Variants in ELAVL2 observed in about 807,000 individuals in gnomAD.
The protein encoded by ELAVL2 is ELAV-like protein 2.
A neutral mutation model predicts 34.6 loss-of-function variants in ELAVL2; 4 were observed. That is an observed-to-expected ratio of 0.12 (90% confidence interval 0.06 to 0.26). The LOEUF is 0.26. Among genes scored for constraint, ELAVL2 ranks in the 10% least tolerant of loss-of-function variants. The pLI is 1.00. For synonymous variants in ELAVL2, 193 were observed against 154.8 expected, an observed-to-expected ratio of 1.25 and a Z score of -1.83; for missense variants, 432 against 442.8, an observed-to-expected ratio of 0.98 and a Z score of 0.22.
intron 5 of ELAVL2, among the ~76,000 whole-genome samples, chr9:23,696,711 C>G (rs2035380982): frequency 6.6e-6 from 1 of 152,026 alleles, no homozygotes; most frequent in African/African-American, 2.4e-5. Context: ...ACCTCGTGAT[C>G]CACCCGCCTT....
intron 3 of ELAVL2, among the ~76,000 whole-genome samples, chr9:23,715,338 CG>C (rs1410278721): frequency 6.6e-6 from 1 of 152,024 alleles, no homozygotes; most frequent in Admixed American, 6.6e-5. Flanking sequence ...TTTGTAGAGA[CG>C]GGGTTTCACA....
chr9:23,821,259 C>G (rs2064642751), intron 1 of ELAVL2: 1 of 152,416 alleles, frequency 6.6e-6, no homozygotes, highest in Non-Finnish European at 1.5e-5. Context: ...TTGCGCTACA[C>G]GCGGCCGCAC....
chr9:23,747,896 C>G (rs1390110394), intron 2 of ELAVL2, among the ~76,000 whole-genome samples: 1 of 151,780 alleles, frequency 6.6e-6, no homozygotes, highest in Non-Finnish European at 1.5e-5. Context: ...GGCAGGAGGC[C>G]AAGATATAAG....
At chr9:23,776,283 AT>A (rs1376525772) in intron 1 of ELAVL2, among the ~76,000 whole-genome samples, 2 of 152,214 alleles carry the variant, frequency 1.3e-5, no homozygotes, top group Non-Finnish European at 2.9e-5. Context: ...TGGAATCAGC[AT>A]TTTTTAATTC....
At chr9:23,707,662 C>T (rs932882970) in intron 3 of ELAVL2, among the ~76,000 whole-genome samples, 1 of 152,316 alleles carries the variant, frequency 6.6e-6, no homozygotes, top group South Asian at 2.1e-4. Flanking sequence ...TAATTCATAA[C>T]CAGTTCTGTG....
intron 2 of ELAVL2, among the ~76,000 whole-genome samples, chr9:23,756,508 A>T (rs2053589304): frequency 6.6e-6 from 1 of 152,148 alleles, no homozygotes. Flanking sequence ...AAGGAAAAAT[A>T]ACAGTGAAAG....
intron 1 of ELAVL2, among the ~76,000 whole-genome samples, chr9:23,813,653 A>T (rs1272218590): frequency 6.6e-6 from 1 of 152,034 alleles, no homozygotes; most frequent in East Asian, 1.9e-4. Context: ...CCAGGGGGGG[A>T]GGAGAGAAAA....
intron 1 of ELAVL2, among the ~76,000 whole-genome samples, chr9:23,811,161 A>G (rs951964447): frequency 3.3e-5 from 5 of 152,158 alleles, no homozygotes; most frequent in African/African-American, 4.8e-5. Flanking sequence ...ACCATCCACA[A>G]AACAATGTTT....
intron 1 of ELAVL2, among the ~76,000 whole-genome samples, chr9:23,791,505 T>C (rs2060315875): frequency 6.6e-6 from 1 of 152,152 alleles, no homozygotes; most frequent in Admixed American, 6.5e-5. Flanking sequence ...AAACGGTACT[T>C]CAAGTAACTA....
At chr9:23,753,713 T>G (rs2052751322) in intron 2 of ELAVL2, among the ~76,000 whole-genome samples, 1 of 152,114 alleles carries the variant, frequency 6.6e-6, no homozygotes, top group Non-Finnish European at 1.5e-5. Flanking sequence ...GACAAGCGCT[T>G]AAATTGAGAA....
Position 23,701,468 on chromosome 9 carries a change from T to A in ELAVL2, c.624A>T (p.Gln208His). 6.2e-7 allele frequency: 1 copy of A among 1,614,140 alleles called. No homozygotes were observed. Among genetic ancestry groups the A allele is most frequent in the Non-Finnish European group, 8.5e-7 (1 of 1,180,016 alleles). ...GGGAAAGGATGGCCTGATTGGTTTT[T>A]TGGCTTGGGTTATTAGCAAACTTTA... ...ITVKFANNPS[Q>H]KTNQAILSQL... Residue 208 changes from glutamine to histidine, a missense_variant, in exon 5 of 7, where the codon CAA becomes CAT. Transcript: ENST00000397312.
chr9:23,798,628 T>A (rs2061242152), intron 1 of ELAVL2, among the ~76,000 whole-genome samples: 2 of 152,132 alleles, frequency 1.3e-5, no homozygotes, highest in Non-Finnish European at 2.9e-5. Flanking sequence ...TCATATAAAG[T>A]ATCAGAATAT....
At chr9:23,768,973 T>C (rs1431304) in intron 1 of ELAVL2, among the ~76,000 whole-genome samples, 1 of 152,002 alleles carries the variant, frequency 6.6e-6, no homozygotes, top group Non-Finnish European at 1.5e-5. Context: ...AAAGACAAGC[T>C]TATCTCTCAG....
At chr9:23,727,726 A>C (rs776009751) in intron 3 of ELAVL2, among the ~76,000 whole-genome samples, 5 of 152,028 alleles carry the variant, frequency 3.3e-5, no homozygotes, top group African/African-American at 1.2e-4. Context: ...TTTGGGAACA[A>C]ATGCTTTAGG....
At chr9:23,759,688 T>C (rs901993043) in intron 2 of ELAVL2, among the ~76,000 whole-genome samples, 6 of 147,492 alleles carry the variant, frequency 4.1e-5, no homozygotes, top group East Asian at 2.0e-4. Flanking sequence ...GTGTTAACTA[T>C]ATACAAATAT....
At chr9:23,765,816 C>T (rs1219305376) in intron 1 of ELAVL2, among the ~76,000 whole-genome samples, 24 of 152,090 alleles carry the variant, frequency 1.6e-4, no homozygotes, top group South Asian at 2.1e-4. Flanking sequence ...TGTCCCTGAA[C>T]GAAATCAAGT....
chr9:23,775,640 C>G (rs566299617), intron 1 of ELAVL2, among the ~76,000 whole-genome samples: 17 of 152,168 alleles, frequency 1.1e-4, no homozygotes, highest in Non-Finnish European at 2.2e-4. Context: ...GCTCACTCCA[C>G]GTTGCCTATG....
chr9:23,799,849 T>G (rs753558135), intron 1 of ELAVL2, among the ~76,000 whole-genome samples: 4 of 152,194 alleles, frequency 2.6e-5, no homozygotes, highest in Non-Finnish European at 4.4e-5. Flanking sequence ...AGAAAAATCT[T>G]AAGCCCTTTG....
chr9:23,827,236 T>C (rs1461450668), upstream of ELAVL2, among the ~76,000 whole-genome samples: 1 of 152,244 alleles, frequency 6.6e-6, no homozygotes, highest in Non-Finnish European at 1.5e-5. Context: ...ATCAGGGCTC[T>C]TTCTGTGAGG....
Sources: allele counts gnomAD v4.1 joint callset (sites outside exome capture counted in the v4.1 genomes callset), GRCh38; gene constraint gnomAD v4.1.1; transcripts MANE v1.5; gene names NCBI Gene and HGNC (gene_info 2026-07-23, HGNC 2026-07-21).